The following PTPRD variants were observed in gnomAD, a reference collection of about 807,000 sequenced individuals.
The protein encoded by PTPRD is receptor-type tyrosine-protein phosphatase delta.
Under a neutral mutation model 214.5 loss-of-function variants are expected in PTPRD, and 34 were observed. That is an observed-to-expected ratio of 0.16 (90% CI 0.12 to 0.21). PTPRD has a LOEUF of 0.21. Ranked by LOEUF, PTPRD falls within the 10% of genes least tolerant of loss-of-function variation. PTPRD has a pLI of 1.00. For missense variants in PTPRD, 2,545 were observed against 2,398.7 expected, an observed-to-expected ratio of 1.06 and a Z score of -1.27; for synonymous variants, 1,128 against 845.7, an observed-to-expected ratio of 1.33 and a Z score of -5.79.
At chr9:8,925,683 A>T (rs2154275633) in intron 11 of PTPRD, among the ~76,000 whole-genome samples, 1 of 147,428 alleles carries the variant, frequency 6.8e-6, no homozygotes, top group African/African-American at 2.5e-5. Flanking sequence ...CTTGGATGCC[A>T]TCCTCAACTT....
At chr9:9,211,970 A>G (rs967651875) in intron 9 of PTPRD, among the ~76,000 whole-genome samples, 2 of 152,118 alleles carry the variant, frequency 1.3e-5, no homozygotes, top group Non-Finnish European at 2.9e-5. Context: ...CTGTCTCCCC[A>G]AGTTTAATGA....
intron 5 of PTPRD, among the ~76,000 whole-genome samples, chr9:9,854,677 T>C (rs968747136): frequency 2.0e-5 from 3 of 152,206 alleles, no homozygotes; most frequent in Non-Finnish European, 4.4e-5. Context: ...CTTATCTAAA[T>C]TGTTATTTGA....
chr9:8,938,859 A>T (rs1280224281), intron 11 of PTPRD, among the ~76,000 whole-genome samples: 1 of 152,164 alleles, frequency 6.6e-6, no homozygotes, highest in Non-Finnish European at 1.5e-5. Context: ...CATATTAATT[A>T]AGACAAGTTC....
rs575085071 is a variant in PTPRD, at chr9:8,817,977, A to T, written c.-103-84031T>A. ...AGCATCATCAATACCATTAAACATA[A>T]ATTTTACAACCTGAGCTTCCAAATT... On this transcript the variant is annotated intron_variant, in intron 11 of 45. Transcript: ENST00000381196. Among the ~76,000 whole-genome samples, 8 of 152,292 alleles carry T rather than the reference A, an allele frequency of 5.3e-5. 1 individual carries two copies. The highest frequency in any genetic ancestry group is 1.9e-4 in the African/African-American group (8 of 41,554).
chr9:10,366,762 A>G (rs1412133070), intron 2 of PTPRD, among the ~76,000 whole-genome samples: 1 of 152,166 alleles, frequency 6.6e-6, no homozygotes, highest in African/African-American at 2.4e-5. Flanking sequence ...ATTGCCACGT[A>G]CTTGCTCCAT....
intron 4 of PTPRD, among the ~76,000 whole-genome samples, chr9:10,002,205 C>G (rs1415176274): frequency 6.7e-6 from 1 of 149,298 alleles, no homozygotes; most frequent in Non-Finnish European, 1.5e-5. Flanking sequence ...AACTGGTATA[C>G]TAAAAATGTT....
intron 3 of PTPRD, among the ~76,000 whole-genome samples, chr9:10,269,427 G>A (rs2154381577): frequency 6.6e-6 from 1 of 152,284 alleles, no homozygotes; most frequent in East Asian, 1.9e-4. Context: ...GTTTTAAACA[G>A]TAAGAAGTGT....
chr9:8,828,692 T>A (rs1234790421), intron 11 of PTPRD, among the ~76,000 whole-genome samples: 2 of 152,198 alleles, frequency 1.3e-5, no homozygotes, highest in African/African-American at 4.8e-5. Context: ...AGAAGGTAAC[T>A]GAGAGTACTA....
intron 4 of PTPRD, among the ~76,000 whole-genome samples, chr9:9,948,408 A>G (rs139874516): frequency 6.6e-6 from 1 of 152,098 alleles, no homozygotes; most frequent in African/African-American, 2.4e-5. Context: ...TCCATTCCCA[A>G]TATCAAACAA....
chr9:10,562,976 A>T (rs912300742), intron 2 of PTPRD, among the ~76,000 whole-genome samples: 10 of 152,184 alleles, frequency 6.6e-5, no homozygotes, highest in African/African-American at 2.4e-4. Context: ...ATTCACATTT[A>T]AAAAAATTAT....
intron 3 of PTPRD, among the ~76,000 whole-genome samples, chr9:10,243,262 A>G (rs1448895733): frequency 6.6e-6 from 1 of 151,974 alleles, no homozygotes; most frequent in African/African-American, 2.4e-5. Context: ...CCACATTTAT[A>G]TGCTATCTTT....
chr9:10,040,744 G>T (rs2097282759), intron 3 of PTPRD, among the ~76,000 whole-genome samples: 1 of 152,044 alleles, frequency 6.6e-6, no homozygotes, highest in Admixed American at 6.6e-5. Flanking sequence ...AAAGAATCTA[G>T]TAAAAATGTA....
intron 44 of PTPRD, among the ~76,000 whole-genome samples, chr9:8,324,057 A>G (rs558132941): frequency 4.6e-5 from 7 of 152,196 alleles, no homozygotes; most frequent in Admixed American, 4.6e-4. Flanking sequence ...ACCCTCAACC[A>G]GCAAAAAGAT....
intron 39 of PTPRD, among the ~76,000 whole-genome samples, chr9:8,347,512 A>G (rs1336033367): frequency 6.6e-6 from 1 of 152,004 alleles, no homozygotes; most frequent in East Asian, 1.9e-4. Context: ...TACAAATCTC[A>G]AGCGGCGCTG....
intron 5 of PTPRD, among the ~76,000 whole-genome samples, chr9:9,904,131 A>C (rs1211121305): frequency 6.6e-6 from 1 of 152,078 alleles, no homozygotes; most frequent in African/African-American, 2.4e-5. Context: ...CTCACAAAGA[A>C]TCTCTCTGTG....
chr9:8,758,869 T>A (rs1294109917), intron 11 of PTPRD, among the ~76,000 whole-genome samples: 1 of 152,042 alleles, frequency 6.6e-6, no homozygotes, highest in African/African-American at 2.4e-5. Context: ...GTATTTTTAA[T>A]AGAGACGGGG....
intron 5 of PTPRD, among the ~76,000 whole-genome samples, chr9:9,770,040 G>C (rs1375874535): frequency 1.3e-5 from 2 of 152,144 alleles, no homozygotes; most frequent in Non-Finnish European, 2.9e-5. Flanking sequence ...CCAAGTCTTT[G>C]CTATTGTGAA....
chr9:9,151,839 G>A (rs1415565985), intron 10 of PTPRD, among the ~76,000 whole-genome samples: 1 of 152,146 alleles, frequency 6.6e-6, no homozygotes, highest in Non-Finnish European at 1.5e-5. Flanking sequence ...TCCAGATCAC[G>A]CCTGGGCCAG....
In PTPRD at chr9:8,403,637, A is replaced by C. The variant is rs2092679289; in HGVS notation, c.4210+900T>G. On this transcript the variant is annotated intron_variant, in intron 36 of 45. Coordinates refer to ENST00000381196, the MANE Select transcript of PTPRD (RefSeq NM_002839.4). ...TCATGAATCCTTAATGAAGCTGGAT[A>C]GAGTTGAGGAGCAACCCTCATCTTT... Among the ~76,000 whole-genome samples the C allele has an allele frequency of 2.0e-5, 3 of 152,252 alleles. No individual in the cohort carries two copies. In the South Asian group the frequency reaches 6.2e-4, roughly 31 times the overall value.
Sources: gnomAD v4.1 joint callset for allele counts (sites outside exome capture counted in the v4.1 genomes callset) on GRCh38, gnomAD v4.1.1 for gene constraint, MANE v1.5 for transcripts, NCBI Gene and HGNC (gene_info 2026-07-23, HGNC 2026-07-21) for gene names.